CNGB1: variants seen among roughly 807,000 people sequenced by gnomAD.
CNGB1 encodes cyclic nucleotide-gated channel beta-1.
In CNGB1, 126 loss-of-function variants were observed where a neutral mutation model predicts 151.7. The ratio of observed to expected loss-of-function variants is 0.83; its 90% CI spans 0.72 to 0.96. CNGB1 has a LOEUF of 0.96. CNGB1 is among the 40% of genes least tolerant of loss of function. CNGB1 has a pLI of 0.00. For synonymous variants in CNGB1, 623 were observed against 635.1 expected, an observed-to-expected ratio of 0.98 and a Z score of 0.29; for missense variants, 1,698 against 1,627.0, an observed-to-expected ratio of 1.04 and a Z score of -0.75.
chr16:57,920,311 G>C, intron 19 of CNGB1, 76 bp downstream of exon 19: 1 of 1,546,326 alleles, frequency 6.5e-7, no homozygotes, highest in Non-Finnish European at 8.9e-7. Context: ...GGCCACCCTT[G>C]CCATGAGTTG....
chr16:57,941,806 C>A (rs1391553666), intron 14 of CNGB1, among the ~76,000 whole-genome samples: 2 of 151,994 alleles, frequency 1.3e-5, no homozygotes, highest in African/African-American at 4.8e-5. Flanking sequence ...AGCATACCCA[C>A]CCTCACTAGT....
At chr16:57,918,108 G>GTTATTTAT (rs35373193) in intron 20 of CNGB1, among the ~76,000 whole-genome samples, 1,443 of 142,414 alleles carry the variant, frequency 0.01, 17 homozygotes, top group African/African-American at 0.013. Context: ...AGATCATCTG[G>GTTATTTAT]TTATTTATTT....
At chr16:57,920,329 A>G in intron 19 of CNGB1, 58 bp downstream of exon 19, 2 of 1,598,358 alleles carry the variant, frequency 1.3e-6, no homozygotes, top group East Asian at 2.2e-5. Context: ...TTGACAGGGA[A>G]CTTTGGAGGC....
chr16:57,887,753 A>T (rs1383000763), intron 32 of CNGB1, 102 bp downstream of exon 32: 1 of 1,100,840 alleles, frequency 9.1e-7, no homozygotes, highest in Non-Finnish European at 1.4e-6. Context: ...AGGAGGGGGA[A>T]GACCCTAAAA....
chr16:57,964,056 C>A, intron 4 of CNGB1, 74 bp downstream of exon 4: 1 of 1,438,738 alleles, frequency 7.0e-7, no homozygotes, highest in Non-Finnish European at 9.7e-7. Context: ...CCACCCCCAT[C>A]CCCAGGGCTC....
rs923205137 is a variant in CNGB1 at position 57,882,881 on chromosome 16, G to A, written c.*1283C>T. 6.6e-6 allele frequency: 1 copy of A among 150,962 alleles called. No individual in the cohort carries two copies. Among genetic ancestry groups the A allele is most frequent in the Non-Finnish European group, 1.5e-5 (1 of 67,924 alleles). 9.4% of individuals were successfully genotyped at this position (150,962 alleles called of 1,614,324 possible). A position where few individuals can be genotyped will look rare whatever the true frequency, so the allele number is the denominator to read the frequency against. The stretch of plus-strand genomic sequence containing the variant: ...GGGAATGTAAGTGCTGTCATCAGCT[G>A]GGAGATTTCATTTTCTAGGATTAAT... On this transcript the variant is annotated 3_prime_UTR_variant, in exon 33 of 33. Transcript: ENST00000251102.
At chr16:57,946,620 G>A (rs542463252) in intron 14 of CNGB1, 1 of 152,404 alleles carries the variant, frequency 6.6e-6, no homozygotes, top group East Asian at 1.9e-4. Flanking sequence ...AAAGGCCTCG[G>A]TTGCTAGGGA....
chr16:57,888,118 G>T (rs753535391), intron 31 of CNGB1, 44 bp from the exon 32 acceptor site: 6 of 1,591,140 alleles, frequency 3.8e-6, no homozygotes, highest in Non-Finnish European at 5.2e-6. Context: ...CGCACTCTGG[G>T]GGAAAAGAAA....
chr16:57,904,801 A>G lies in CNGB1; in HGVS notation c.2567T>C (p.Phe856Ser), dbSNP rs1407943592. The G allele has an allele frequency of 1.9e-6, 3 of 1,614,070 alleles. No individual in the cohort carries two copies. The Admixed American group carries it at 5.0e-5, about 27-fold the overall frequency. Residue 856 changes from phenylalanine (F) to serine (S), a missense_variant, in exon 26 of 33, where the codon TTT becomes TCT. Physicochemically the swap from Phe to Ser is radical, Grantham distance 155 (BLOSUM62 -2). Transcript: ENST00000251102. The stretch of plus-strand genomic sequence containing the variant: ...ATTCAGCAGCTGGAAGACAATTTCA[A>G]AGAGTGTCTTGGGGTCAGGCAGCCC... ...IGGLPDPKTLFEIVFQLLNYF... is the reference protein window; with the variant it reads ...IGGLPDPKTLSEIVFQLLNYF...
In CNGB1 at chr16:57,885,506, TTTCC is replaced by T. The variant is rs555069702; in HGVS notation, c.3463-1053_3463-1050del. On this transcript the variant is annotated intron_variant, in intron 32 of 32. Transcript: ENST00000251102. ...TTTGTCTTCTTTCTTTCTTTCCTTC[TTTCC>T]TTCCTTCCTTCCTTTTTTCCTTCCT... Among the ~76,000 whole-genome samples the T allele has an allele frequency of 6.0e-4, 90 of 149,724 alleles. 1 individual carries two copies. In the South Asian group the frequency reaches 0.012, roughly 19 times the overall value.
At chr16:57,933,636 C>T (rs572023735) in intron 16 of CNGB1, among the ~76,000 whole-genome samples, 1 of 152,174 alleles carries the variant, frequency 6.6e-6, no homozygotes, top group South Asian at 2.1e-4. Context: ...GCAAGGCAGG[C>T]AGGGATACAC....
chr16:57,957,506 AAG>A, intron 11 of CNGB1, 129 bp from the exon 12 acceptor site: 1 of 784,070 alleles, frequency 1.3e-6, no homozygotes, highest in South Asian at 1.4e-5. Context: ...TGGGATGGAG[AAG>A]AGAGTCCCTG....
chr16:57,954,280 C>G (rs1962031226), intron 12 of CNGB1, among the ~76,000 whole-genome samples: 1 of 152,184 alleles, frequency 6.6e-6, no homozygotes, highest in South Asian at 2.1e-4. Context: ...AATCCAAAGG[C>G]CTGCCCAGCC....
At position 57,883,007 on chromosome 16, in the gene CNGB1, G is replaced by C. The variant is rs1021801723; in HGVS notation, c.*1157C>G. Reference sequence around the variant, plus strand: ...TTTCTCAGGATGACAGGCAGAGGATGCTCCTACCGGGCTGTTCCTCCTGGC... The same window carrying C: ...TTTCTCAGGATGACAGGCAGAGGATCCTCCTACCGGGCTGTTCCTCCTGGC... On this transcript the variant is annotated 3_prime_UTR_variant, in exon 33 of 33. Coordinates refer to ENST00000251102, the MANE Select transcript of CNGB1 (RefSeq NM_001297.5). 6.6e-6 allele frequency: 1 copy of C among 152,172 alleles called. No individual in the cohort carries two copies. Among genetic ancestry groups the C allele is most frequent in the African/African-American group, 2.4e-5 (1 of 41,430 alleles). The allele number at this position is 152,172 out of a possible 1,614,324, so 9.4% of individuals were successfully genotyped here. A position where few individuals can be genotyped will look rare whatever the true frequency, so the allele number is the denominator to read the frequency against.
intron 4 of CNGB1, 36 bp downstream of exon 4, chr16:57,964,094 G>T (rs780445408): frequency 1.9e-6 from 3 of 1,606,182 alleles, no homozygotes; most frequent in Non-Finnish European, 1.7e-6. Context: ...TTGGGAGGCG[G>T]GCTGGCCCTG....
rs551506936 is a variant in CNGB1 at position 57,900,419 on chromosome 16, G to A, written c.2976+933C>T. On this transcript the variant is annotated intron_variant, in intron 29 of 32. Transcript: ENST00000251102. ...GCCTGCTTGGGTAATGTTTCCCCCCGTATGCTTATTAACGGTTTATTATTA... is the reference window on the plus strand; with the variant it reads ...GCCTGCTTGGGTAATGTTTCCCCCCATATGCTTATTAACGGTTTATTATTA... 5.9e-5 allele frequency among the ~76,000 whole-genome samples: 9 copies of A among 152,260 alleles called. No individual in the cohort carries two copies. In the South Asian group the frequency reaches 6.2e-4, roughly 11 times the overall value.
intron 18 of CNGB1, 58 bp downstream of exon 18, chr16:57,923,215 C>CA (rs1348638161): frequency 3.1e-6 from 4 of 1,308,168 alleles, no homozygotes; most frequent in Non-Finnish European, 4.3e-6. Context: ...CTAGCCCCCC[C>CA]ACATCCCCCA....
chr16:57,939,013 C>A (rs192711635), intron 16 of CNGB1, among the ~76,000 whole-genome samples: 1 of 152,172 alleles, frequency 6.6e-6, no homozygotes, highest in Non-Finnish European at 1.5e-5. Context: ...GATGTCTGAG[C>A]CAAACCCTCA....
chr16:57,955,443 G>A, intron 12 of CNGB1: 1 of 1,246,312 alleles, frequency 8.0e-7, no homozygotes. Flanking sequence ...TGAGTGAGTG[G>A]ATGAGTGAAT....
Sources: gnomAD v4.1 joint callset for allele counts (sites outside exome capture counted in the v4.1 genomes callset) on GRCh38, gnomAD v4.1.1 for gene constraint, MANE v1.5 for transcripts, NCBI Gene and HGNC (gene_info 2026-07-23, HGNC 2026-07-21) for gene names.